The following UBE2J1 variants were observed in gnomAD, a reference collection of about 807,000 sequenced individuals.
The protein encoded by UBE2J1 is ubiquitin conjugating enzyme E2 J1.
Under a neutral mutation model 42.1 loss-of-function variants are expected in UBE2J1, and 17 were observed. The observed-to-expected ratio is 0.40, with a 90% CI of 0.28 to 0.61. The LOEUF (loss-of-function observed/expected upper bound fraction) is 0.61, where lower values mean the gene tolerates loss of function less well. Ranked by LOEUF, UBE2J1 falls within the 20% of genes least tolerant of loss-of-function variation. The probability of loss-of-function intolerance (pLI) is 0.38; values close to 1 mark genes in which losing one functional copy is unlikely to be tolerated. For synonymous variants in UBE2J1, 127 were observed against 137.2 expected (o/e 0.93, Z 0.52); for missense variants, 291 against 389.4 (o/e 0.75, Z 2.13).
At chr6:89,346,337 A>G (rs976147730) in intron 1 of UBE2J1, among the ~76,000 whole-genome samples, 2 of 152,152 alleles carry the variant, frequency 1.3e-5, no homozygotes, top group Admixed American at 6.5e-5. Context: ...GCGTAAACAA[A>G]ATATGGCTTT....
chr6:89,348,040 A>G (rs1297126471), intron 1 of UBE2J1, among the ~76,000 whole-genome samples: 1 of 152,176 alleles, frequency 6.6e-6, no homozygotes, highest in Non-Finnish European at 1.5e-5. Context: ...CACTGTTAGG[A>G]AACAGTCATG....
intron 1 of UBE2J1, 104 bp downstream of exon 1, chr6:89,352,435 G>T (rs1768504168): frequency 3.0e-6 from 4 of 1,325,014 alleles, no homozygotes; most frequent in Non-Finnish European, 3.1e-6. Context: ...GAAACCAGGA[G>T]CTGAGCCGCG....
intron 7 of UBE2J1, among the ~76,000 whole-genome samples, chr6:89,330,793 C>T (rs1767995302): frequency 6.6e-6 from 1 of 152,022 alleles, no homozygotes; most frequent in East Asian, 1.9e-4. Context: ...GAGACTCTCC[C>T]TTAAAAAGAT....
intron 5 of UBE2J1, among the ~76,000 whole-genome samples, chr6:89,337,555 A>T (rs1052034551): frequency 8.5e-5 from 13 of 152,162 alleles, no homozygotes; most frequent in Non-Finnish European, 1.5e-4. Context: ...GAAGGGTGGT[A>T]GGCAGCAGAC....
intron 1 of UBE2J1, among the ~76,000 whole-genome samples, chr6:89,349,690 T>C (rs893060473): frequency 1.3e-5 from 2 of 152,178 alleles, no homozygotes; most frequent in Non-Finnish European, 2.9e-5. Flanking sequence ...TGTGTATCTA[T>C]AGCTTACGAG....
intron 1 of UBE2J1, among the ~76,000 whole-genome samples, chr6:89,344,824 G>A (rs1372273362): frequency 1.3e-5 from 2 of 152,218 alleles, no homozygotes; most frequent in African/African-American, 4.8e-5. Context: ...ACTGCTAGCA[G>A]GAGCTGCTCA....
At chr6:89,335,884 C>A (rs1375844066) in intron 5 of UBE2J1, among the ~76,000 whole-genome samples, 4 of 152,154 alleles carry the variant, frequency 2.6e-5, no homozygotes, top group South Asian at 4.1e-4. Flanking sequence ...AAACCCCTCA[C>A]AAATAGCAGT....
Position 89,335,423 on chromosome 6 carries a change from T to C in UBE2J1, c.437A>G (p.Asp146Gly), listed in dbSNP as rs749873369. 5.1e-6 allele frequency: 8 copies of C among 1,570,122 alleles called. No individual in the cohort carries two copies. In the East Asian group the frequency reaches 6.8e-5, roughly 13 times the overall value. The change falls in exon 6 of 8, where the codon GAT becomes GGT. Residue 146 changes from aspartate to glycine, a missense_variant. Asp to Gly is a moderately conservative substitution (Grantham distance 94). Coordinates refer to ENST00000435041, the MANE Select transcript of UBE2J1 (RefSeq NM_016021.3). ...AGAGCCACATCCTTCACAACAGAAATCTTGTGATCTAGTAGAAAAAGATTT... is the reference window on the plus strand; with the variant it reads ...AGAGCCACATCCTTCACAACAGAAACCTTGTGATCTAGTAGAAAAAGATTT... ...ERRALAKKSQ[D>G]FCCEGCGSAM...
intron 2 of UBE2J1, among the ~76,000 whole-genome samples, chr6:89,343,434 CAA>C (rs58981898): frequency 0.24 from 19,542 of 80,600 alleles, 1,036 homozygotes; most frequent in South Asian, 0.36. Flanking sequence ...GACTCCGCCT[CAA>C]AAAAAAAAAA....
Position 89,329,913 on chromosome 6 carries a change from G to A in UBE2J1, c.723C>T (p.Thr241=), listed in dbSNP as rs746652799. 9 of 1,613,932 alleles carry A rather than the reference G, an allele frequency of 5.6e-6. No homozygotes were observed. Among genetic ancestry groups the A allele is most frequent in the Admixed American group, 1.7e-5 (1 of 59,992 alleles). ...TGGAGGTATTCTTAGCTACAGGTTG[G>A]GTAGGTTGATGAAAGGATGCTGCTG... ...NSSAASFHQP[T]QPVAKNTSMS... is the part of the protein sequence containing the mutation. The change falls in exon 8 of 8, where the codon ACC becomes ACT. Residue 241 remains threonine, a synonymous_variant. Coordinates refer to ENST00000435041, the MANE Select transcript of UBE2J1 (RefSeq NM_016021.3).
chr6:89,330,749 T>A (rs1207985547), intron 7 of UBE2J1, among the ~76,000 whole-genome samples: 1 of 152,022 alleles, frequency 6.6e-6, no homozygotes, highest in Non-Finnish European at 1.5e-5. Context: ...TGAGCTATGA[T>A]CACATGCCTG....
rs1768042955 is a variant in UBE2J1 at position 89,333,194 on chromosome 6, A to T, written c.570T>A (p.Asn190Lys). ...ARQISFKAEVNSSGKTISESD... is the reference protein window; with the variant it reads ...ARQISFKAEVKSSGKTISESD... ...ACTCAGAGATAGTCTTTCCAGATGAATTGACTTCTGCCTATAAACAAGATA... is the reference window on the plus strand; with the variant it reads ...ACTCAGAGATAGTCTTTCCAGATGATTTGACTTCTGCCTATAAACAAGATA... Residue 190 changes from asparagine (N) to lysine (K), a missense_variant, in exon 7 of 8, where the codon AAT (asparagine) becomes AAA (lysine). Asn to Lys is a moderately conservative substitution (Grantham distance 94, BLOSUM62 0). Coordinates refer to ENST00000435041, the MANE Select transcript of UBE2J1 (RefSeq NM_016021.3). 1 of 1,610,262 alleles carries T rather than the reference A, an allele frequency of 6.2e-7. No individual in the cohort carries two copies. The highest frequency in any genetic ancestry group is 8.5e-7 in the Non-Finnish European group (1 of 1,178,504).
rs1042073053 is a variant in UBE2J1, at chr6:89,329,040, T to C, written c.*639A>G. 3.3e-5 allele frequency: 5 copies of C among 152,338 alleles called. No individual in the cohort carries two copies. Among genetic ancestry groups the C allele is most frequent in the Non-Finnish European group, 7.3e-5 (5 of 68,156 alleles). The allele number at this position is 152,338 out of a possible 1,614,324, so 9.4% of individuals were successfully genotyped here. A position where few individuals can be genotyped will look rare whatever the true frequency, so the allele number is the denominator to read the frequency against. ...AGGGCAGGGGGTGGTGATAACAGCA[T>C]ATCAAAGTGGTTACAAAGTACTCCC... On this transcript the variant is annotated 3_prime_UTR_variant, in exon 8 of 8. Coordinates refer to ENST00000435041, the MANE Select transcript of UBE2J1 (RefSeq NM_016021.3).
chr6:89,329,572 G>T lies in UBE2J1; in HGVS notation c.*107C>A, dbSNP rs1767963674. 4.1e-6 allele frequency: 5 copies of T among 1,224,534 alleles called. No homozygotes were observed. The highest frequency in any genetic ancestry group is 4.6e-6 in the Non-Finnish European group (4 of 866,312). 75.9% of individuals were successfully genotyped at this position (1,224,534 alleles called of 1,614,324 possible). ...ACTTACAAGGATCAAAAAAAGGAAT[G>T]AAGGGTAAATACAAAATAATCTTTT... is the stretch of plus-strand genomic sequence containing the variant. On this transcript the variant is annotated 3_prime_UTR_variant, in exon 8 of 8. Coordinates refer to ENST00000435041, the MANE Select transcript of UBE2J1 (RefSeq NM_016021.3).
At chr6:89,334,195 G>A (rs2127861843) in intron 6 of UBE2J1, among the ~76,000 whole-genome samples, 1 of 151,978 alleles carries the variant, frequency 6.6e-6, no homozygotes, top group Middle Eastern at 3.4e-3. Flanking sequence ...AGTAGAGACA[G>A]GGTTTCACCG....
At position 89,327,992 on chromosome 6, in the gene UBE2J1, A is replaced by G. The variant is rs1004121592; in HGVS notation, c.*1687T>C. 3.3e-5 allele frequency: 5 copies of G among 152,244 alleles called. No individual in the cohort carries two copies. Among genetic ancestry groups the G allele is most frequent in the Admixed American group, 2.0e-4 (3 of 15,282 alleles). The allele number at this position is 152,244 out of a possible 1,614,324, so 9.4% of individuals were successfully genotyped here. A position where few individuals can be genotyped will look rare whatever the true frequency, so the allele number is the denominator to read the frequency against. On this transcript the variant is annotated 3_prime_UTR_variant, in exon 8 of 8. Transcript: ENST00000435041. The stretch of plus-strand genomic sequence containing the variant: ...AATGGTAACCTATGATTTTCCTCAT[A>G]TAATGAGATCTTCATAAAGTCCTTG...
At chr6:89,335,549 C>A in intron 5 of UBE2J1, 118 bp from the exon 6 acceptor site, 1 of 666,856 alleles carries the variant, frequency 1.5e-6, no homozygotes, top group Non-Finnish European at 2.2e-6. Flanking sequence ...GAAAATTCCA[C>A]ATCACATTTA....
chr6:89,338,133 A>C lies in UBE2J1; in HGVS notation c.428+72T>G, dbSNP rs981939080. On this transcript the variant is annotated intron_variant, in intron 5 of 7. Coordinates refer to ENST00000435041, the MANE Select transcript of UBE2J1 (RefSeq NM_016021.3). ...GAAAATAAGTCACATAGTAAGAGGT[A>C]GGCCCTACCTCCTAATAGCCATTAC... 4 of 989,286 alleles carry C rather than the reference A, an allele frequency of 4.0e-6. No homozygotes were observed. In the African/African-American group the frequency reaches 6.5e-5, roughly 16 times the overall value. 61.3% of individuals were successfully genotyped at this position (989,286 alleles called of 1,614,324 possible).
chr6:89,350,555 ACACT>A (rs918454148), intron 1 of UBE2J1, among the ~76,000 whole-genome samples: 14 of 152,276 alleles, frequency 9.2e-5, no homozygotes, highest in African/African-American at 3.1e-4. Flanking sequence ...AATAATTCAC[ACACT>A]AACAAAAATA....
Sources: allele counts gnomAD v4.1 joint callset (sites outside exome capture counted in the v4.1 genomes callset), GRCh38; gene constraint gnomAD v4.1.1; transcripts MANE v1.5; gene names NCBI Gene and HGNC (gene_info 2026-07-23, HGNC 2026-07-21).